The following ACSM1 variants were observed in gnomAD, a reference collection of about 807,000 sequenced individuals.
ACSM1 encodes the protein acyl-coenzyme A synthetase ACSM1, mitochondrial.
Under a neutral mutation model 75.8 loss-of-function variants are expected in ACSM1, and 79 were observed. That is an observed-to-expected ratio of 1.04 (90% CI 0.87 to 1.26). ACSM1 has a LOEUF of 1.26. Among genes scored for constraint, ACSM1 ranks in the 50% most tolerant of loss-of-function variants. ACSM1 has a pLI of 0.00. For synonymous variants in ACSM1, 279 were observed against 265.8 expected, an observed-to-expected ratio of 1.05 and a Z score of -0.48; for missense variants, 676 against 720.1, an observed-to-expected ratio of 0.94 and a Z score of 0.70.
intron 6 of ACSM1, among the ~76,000 whole-genome samples, chr16:20,662,673 T>A (rs901524808): frequency 6.6e-6 from 1 of 152,330 alleles, no homozygotes; most frequent in East Asian, 1.9e-4. Context: ...TTTAGAATCA[T>A]GATGAAATAT....
chr16:20,631,789 C>G (rs950466011), intron 10 of ACSM1, among the ~76,000 whole-genome samples: 8 of 152,146 alleles, frequency 5.3e-5, no homozygotes, highest in Non-Finnish European at 1.0e-4. Context: ...AGCGTATGTT[C>G]TCACTTCTAA....
At position 20,640,533 on chromosome 16, in the gene ACSM1, C is replaced by G. The variant is rs756798985; in HGVS notation, c.1044G>C (p.Leu348Phe). ...TTTTCCACTCCTCCTGATCCTTGGGCAACACGACCTCCCCGCCAGTATAGC... is the reference window on the plus strand; with the variant it reads ...TTTTCCACTCCTCCTGATCCTTGGGGAACACGACCTCCCCGCCAGTATAGC... Reference protein sequence around the residue: ...EHCYTGGEVVLPKDQEEWKRR... With the variant: ...EHCYTGGEVVFPKDQEEWKRR... The change falls in exon 8 of 14, where the codon TTG becomes TTC. Residue 348 changes from leucine to phenylalanine, a missense_variant. Transcript: ENST00000520010. 6.2e-7 allele frequency: 1 copy of G among 1,614,166 alleles called. No individual in the cohort carries two copies. The highest frequency in any genetic ancestry group is 8.5e-7 in the Non-Finnish European group (1 of 1,180,020).
chr16:20,688,642 A>T (rs1262247030), intron 2 of ACSM1, among the ~76,000 whole-genome samples: 2 of 152,126 alleles, frequency 1.3e-5, no homozygotes, highest in Non-Finnish European at 2.9e-5. Flanking sequence ...TTAAAGAAAA[A>T]AAAAGCCAAC....
At position 20,691,081 on chromosome 16, in the gene ACSM1, T is replaced by A; in HGVS notation, c.108A>T (p.Gly36=). Reference sequence around the variant, plus strand: ...CTTCATAGTCATTCCATCTTGGGGCTCCAAATTCTGATAAAGACCGGCAGC... The same window carrying A: ...CTTCATAGTCATTCCATCTTGGGGCACCAAATTCTGATAAAGACCGGCAGC... ...QLRCRSLSEF[G]APRWNDYEVP... Residue 36 remains glycine (G), a synonymous_variant, in exon 2 of 14, where the codon GGA becomes GGT. Transcript: ENST00000520010. The A allele has an allele frequency of 6.2e-7, 1 of 1,613,772 alleles. No homozygotes were observed.
chr16:20,687,805 C>G (rs2079579608), intron 2 of ACSM1, among the ~76,000 whole-genome samples: 2 of 152,050 alleles, frequency 1.3e-5, no homozygotes, highest in Non-Finnish European at 2.9e-5. Flanking sequence ...AGAACCCGGC[C>G]AGGCACGGTG....
At chr16:20,626,827 T>C (rs937274286) in intron 11 of ACSM1, among the ~76,000 whole-genome samples, 5 of 152,138 alleles carry the variant, frequency 3.3e-5, no homozygotes, top group South Asian at 2.1e-4. Flanking sequence ...TATTACTATG[T>C]TTGTCCTGTG....
chr16:20,657,756 C>T (rs149803792), intron 7 of ACSM1, among the ~76,000 whole-genome samples: 57 of 151,324 alleles, frequency 3.8e-4, no homozygotes, highest in Non-Finnish European at 5.9e-4. Context: ...ATCCCTCCCC[C>T]CTCCCGCCAC....
chr16:20,625,354 G>C, intron 12 of ACSM1, 69 bp downstream of exon 12: 3 of 1,483,994 alleles, frequency 2.0e-6, no homozygotes, highest in Non-Finnish European at 2.8e-6. Context: ...GGTAAAGCCT[G>C]GATGTTTCCC....
chr16:20,647,933 A>C (rs2018449741), intron 7 of ACSM1, among the ~76,000 whole-genome samples: 1 of 152,160 alleles, frequency 6.6e-6, no homozygotes, highest in Non-Finnish European at 1.5e-5. Context: ...GCTGTTCATC[A>C]TGCACCTGCC....
At position 20,682,265 on chromosome 16, in the gene ACSM1, G is replaced by T. The variant is rs755751453; in HGVS notation, c.602C>A (p.Ser201Ter). ...HSREGWLDFR[S>*]LVKSASPEHT... Reference sequence around the variant, plus strand: ...CAGACCAGAGACTCACTTAACCAGCGATCGGAAGTCCAGCCACCCTTCACG... The same window carrying T: ...CAGACCAGAGACTCACTTAACCAGCTATCGGAAGTCCAGCCACCCTTCACG... The change falls in exon 4 of 14, where the codon TCG (serine) becomes TAG (stop). Residue 201 changes from serine (S) to a stop codon, truncating the protein, a stop_gained. Transcript: ENST00000520010. LOFTEE classifies it high-confidence loss of function. The T allele has an allele frequency of 1.2e-6, 2 of 1,612,842 alleles. No individual in the cohort carries two copies. Among genetic ancestry groups the T allele is most frequent in the Non-Finnish European group, 1.7e-6 (2 of 1,179,884 alleles).
At chr16:20,637,335 C>T in intron 9 of ACSM1, 36 bp downstream of exon 9, 1 of 1,583,640 alleles carries the variant, frequency 6.3e-7, no homozygotes, top group Non-Finnish European at 8.7e-7. Flanking sequence ...CCCGCTGAGC[C>T]CTAACTGCTC....
At chr16:20,657,913 T>C (rs9932231) in intron 7 of ACSM1, among the ~76,000 whole-genome samples, 87,792 of 151,908 alleles carry the variant, frequency 0.58, 26,986 homozygotes, top group East Asian at 0.86. Context: ...CAGCCTCATC[T>C]ATGTCCCTGC....
Position 20,677,226 on chromosome 16 carries a change from T to TAAA in ACSM1, c.611+5027_611+5029dup, listed in dbSNP as rs34392148. Among the ~76,000 whole-genome samples the TAAA allele has an allele frequency of 1.2e-4, 15 of 130,078 alleles. No homozygotes were observed. In the South Asian group the frequency reaches 1.4e-3, roughly 12 times the overall value. 85.3% of individuals were successfully genotyped at this position (130,078 alleles called of 152,430 possible). A position where few individuals can be genotyped will look rare whatever the true frequency, so the allele number is the denominator to read the frequency against. On this transcript the variant is annotated intron_variant, in intron 4 of 13. Transcript: ENST00000520010. ...ACCAGGAGAAGACTTTTAAAGAAAT[T>TAAA]AAAAAAAAAAAAAAAGCCTTGACTC...
chr16:20,691,662 T>C (rs1379663486), intron 1 of ACSM1, among the ~76,000 whole-genome samples: 2 of 151,964 alleles, frequency 1.3e-5, no homozygotes, highest in Non-Finnish European at 2.9e-5. Context: ...TATGATCCCA[T>C]CCCATGACTA....
chr16:20,691,172 C>T lies in ACSM1; in HGVS notation c.17G>A (p.Arg6Lys). The change falls in exon 2 of 14, where the codon AGG (arginine) becomes AAG (lysine). Residue 6 changes from arginine (R) to lysine (K), a missense_variant. Arg to Lys is a conservative substitution (Grantham distance 26). Transcript: ENST00000520010. ...GTGGATGCCCCAGAGGGTCCGGAACCTCATTAGCCACTGCATGGTGAAACA... is the reference window on the plus strand; with the variant it reads ...GTGGATGCCCCAGAGGGTCCGGAACTTCATTAGCCACTGCATGGTGAAACA... MQWLM[R>K]FRTLWGIHKS... 1.9e-6 allele frequency: 3 copies of T among 1,593,676 alleles called. No homozygotes were observed. In the South Asian group the frequency reaches 3.4e-5, roughly 18 times the overall value.
At chr16:20,661,692 A>G in intron 7 of ACSM1, 102 bp downstream of exon 7, 1 of 820,954 alleles carries the variant, frequency 1.2e-6, no homozygotes, top group Non-Finnish European at 2.0e-6. Context: ...ACACACAAAC[A>G]CACACACACT....
At chr16:20,668,358 C>G (rs1048216849) in intron 6 of ACSM1, among the ~76,000 whole-genome samples, 1 of 152,236 alleles carries the variant, frequency 6.6e-6, no homozygotes, top group Non-Finnish European at 1.5e-5. Flanking sequence ...GGGACACTCT[C>G]TATAGCAGCG....
At chr16:20,642,738 A>G (rs2018137784) in intron 7 of ACSM1, among the ~76,000 whole-genome samples, 1 of 152,258 alleles carries the variant, frequency 6.6e-6, no homozygotes, top group Non-Finnish European at 1.5e-5. Flanking sequence ...CAAGATGAAA[A>G]TGAATTGAGT....
chr16:20,682,207 C>G, intron 4 of ACSM1, 49 bp downstream of exon 4: 2 of 1,575,112 alleles, frequency 1.3e-6, no homozygotes, highest in Middle Eastern at 2.3e-4. Flanking sequence ...CCTAAATTAT[C>G]CCACAACAAC....
Sources: gnomAD v4.1 joint callset for allele counts (sites outside exome capture counted in the v4.1 genomes callset) on GRCh38, gnomAD v4.1.1 for gene constraint, MANE v1.5 for transcripts, NCBI Gene and HGNC (gene_info 2026-07-23, HGNC 2026-07-21) for gene names.